Variants in ANKRD33B observed in about 807,000 individuals in gnomAD.
ANKRD33B encodes the protein ankyrin repeat domain-containing protein 33B.
A neutral mutation model predicts 21.5 loss-of-function variants in ANKRD33B; 6 were observed. The observed-to-expected ratio is 0.28, with a 90% CI of 0.15 to 0.55. ANKRD33B has a LOEUF of 0.55. Ranked by LOEUF, ANKRD33B falls within the 20% of genes least tolerant of loss-of-function variation. The pLI is 0.94. For synonymous variants in ANKRD33B, 347 were observed against 342.4 expected (o/e 1.01, Z -0.15); for missense variants, 698 against 747.2 (o/e 0.93, Z 0.77).
At chr5:10,646,347 G>T (rs1369086522) in intron 3 of ANKRD33B, among the ~76,000 whole-genome samples, 1 of 152,072 alleles carries the variant, frequency 6.6e-6, no homozygotes, top group Non-Finnish European at 1.5e-5. Flanking sequence ...GTTAATAATC[G>T]GTACTTATCT....
chr5:10,647,343 C>T (rs1042727189), intron 3 of ANKRD33B, among the ~76,000 whole-genome samples: 4 of 152,148 alleles, frequency 2.6e-5, no homozygotes, highest in Non-Finnish European at 5.9e-5. Context: ...CCCCTGACGT[C>T]AGGAGATCTG....
rs1466118204 is a variant in ANKRD33B, at chr5:10,651,026, G to A, written c.*913G>A. The A allele has an allele frequency of 6.6e-6, 1 of 152,200 alleles. No homozygotes were observed. Among genetic ancestry groups the A allele is most frequent in the Non-Finnish European group, 1.5e-5 (1 of 68,018 alleles). 9.4% of individuals were successfully genotyped at this position (152,200 alleles called of 1,614,324 possible). ...AGCCATATGTGCTCTTAAGTAATTC[G>A]AATCCAGATATCCTTAAAATGTCAA... On this transcript the variant is annotated 3_prime_UTR_variant, in exon 4 of 4. Coordinates refer to ENST00000296657, the MANE Select transcript of ANKRD33B (RefSeq NM_001164440.2).
In ANKRD33B at chr5:10,649,922, C is replaced by T. The variant is rs1404717770; in HGVS notation, c.1294C>T (p.Pro432Ser). Residue 432 changes from proline (P) to serine (S), a missense_variant, in exon 4 of 4, where the codon CCC becomes TCC. Pro to Ser is a moderately conservative substitution (Grantham distance 74, BLOSUM62 -1). This residue lies in a region of ANKRD33B where 543 missense variants were observed against 566.5 expected (regional missense o/e 0.96). Transcript: ENST00000296657. The part of the protein sequence containing the change: ...VVPRVRVSKA[P>S]APTFQPERPA... The stretch of plus-strand genomic sequence containing the variant: ...GCCCCGGGTCCGAGTCAGCAAGGCG[C>T]CCGCGCCCACCTTCCAGCCCGAGCG... The T allele has an allele frequency of 9.8e-6, 15 of 1,524,060 alleles. No homozygotes were observed. The Middle Eastern group carries it at 8.2e-4, about 84-fold the overall frequency. 94.4% of individuals were successfully genotyped at this position (1,524,060 alleles called of 1,614,324 possible). A position where few individuals can be genotyped will look rare whatever the true frequency, so the allele number is the denominator to read the frequency against.
chr5:10,580,570 A>G (rs1293680143), intron 1 of ANKRD33B, among the ~76,000 whole-genome samples: 1 of 152,018 alleles, frequency 6.6e-6, no homozygotes, highest in Non-Finnish European at 1.5e-5. Context: ...AGAAGGTTGC[A>G]GTTGGTTTCT....
At chr5:10,596,130 A>G (rs889933312) in intron 1 of ANKRD33B, among the ~76,000 whole-genome samples, 4 of 152,234 alleles carry the variant, frequency 2.6e-5, no homozygotes, top group African/African-American at 9.6e-5. Context: ...AGCACCCTTT[A>G]AAATTAATTA....
At chr5:10,608,623 T>G (rs1487722246) in intron 1 of ANKRD33B, among the ~76,000 whole-genome samples, 4 of 150,854 alleles carry the variant, frequency 2.7e-5, no homozygotes, top group Non-Finnish European at 1.5e-5. Flanking sequence ...AAATTAAACT[T>G]CTATAATAAA....
rs1421218425 is a variant in ANKRD33B at position 10,564,810 on chromosome 5, C to T, written c.343C>T (p.Gln115Ter). The T allele has an allele frequency of 6.6e-7, 1 of 1,514,994 alleles. No individual in the cohort carries two copies. 93.8% of individuals were successfully genotyped at this position (1,514,994 alleles called of 1,614,324 possible). Residue 115 changes from glutamine (Q) to a stop codon, truncating the protein, a stop_gained, in exon 1 of 4, where the codon CAG becomes TAG. Transcript: ENST00000296657. LOFTEE classifies it high-confidence loss of function. ...VRRGVSVEEA[Q>*]ETDRNGRTGL... ...GCGCGGGGTGAGCGTCGAGGAGGCG[C>T]AGGAGACTGACCGCAACGGCAGGGT...
rs1737410048 is a variant in ANKRD33B, at chr5:10,653,601, A to G, written c.*3488A>G. The G allele has an allele frequency of 6.6e-6, 1 of 152,460 alleles. No individual in the cohort carries two copies. The highest frequency in any genetic ancestry group is 2.4e-5 in the African/African-American group (1 of 41,440). The allele number at this position is 152,460 out of a possible 1,614,324, so 9.4% of individuals were successfully genotyped here. ...TGGTCATCTGGTCGTAGAGGTGGAC[A>G]GAAACACCCCCTCGTCTTCCTGAGC... On this transcript the variant is annotated 3_prime_UTR_variant, in exon 4 of 4. Transcript: ENST00000296657.
At chr5:10,614,535 T>C (rs1211709643) in intron 1 of ANKRD33B, among the ~76,000 whole-genome samples, 1 of 152,162 alleles carries the variant, frequency 6.6e-6, no homozygotes, top group Non-Finnish European at 1.5e-5. Context: ...CCTCCTAAAG[T>C]GCTGGAATTA....
intron 1 of ANKRD33B, among the ~76,000 whole-genome samples, chr5:10,590,312 C>A (rs1735653804): frequency 6.6e-6 from 1 of 152,168 alleles, no homozygotes; most frequent in Non-Finnish European, 1.5e-5. Flanking sequence ...GTTATCTTGT[C>A]CAGGGAGGAT....
chr5:10,595,847 A>AT (rs1402986406), intron 1 of ANKRD33B, among the ~76,000 whole-genome samples: 13 of 152,020 alleles, frequency 8.6e-5, no homozygotes, highest in Admixed American at 5.2e-4. Flanking sequence ...TCCATCATCC[A>AT]TTTTTTTGCC....
intron 3 of ANKRD33B, among the ~76,000 whole-genome samples, chr5:10,640,354 C>T (rs1216737823): frequency 1.3e-5 from 2 of 152,180 alleles, no homozygotes; most frequent in Non-Finnish European, 2.9e-5. Flanking sequence ...GGAGTAATGA[C>T]CTCTTTCTCC....
chr5:10,650,188 CG>C lies in ANKRD33B; in HGVS notation c.*77del, dbSNP rs1486198602. On this transcript the variant is annotated 3_prime_UTR_variant, in exon 4 of 4. Transcript: ENST00000296657. ...GCAGGGCTGGGCGCGGAGAAGGAGGCGGCCCCGTTGCGCATCGCACCACTTC... is the reference window on the plus strand; with the variant it reads ...GCAGGGCTGGGCGCGGAGAAGGAGGCGCCCCGTTGCGCATCGCACCACTTC... 3 of 1,372,818 alleles carry C rather than the reference CG, an allele frequency of 2.2e-6. No homozygotes were observed. Among genetic ancestry groups the C allele is most frequent in the South Asian group, 3.2e-5 (2 of 63,250 alleles). 85.0% of individuals were successfully genotyped at this position (1,372,818 alleles called of 1,614,324 possible).
rs1737351116 is a variant in ANKRD33B at position 10,651,281 on chromosome 5, T to G, written c.*1168T>G. The G allele has an allele frequency of 6.6e-6, 1 of 152,382 alleles. No individual in the cohort carries two copies. Among genetic ancestry groups the G allele is most frequent in the Non-Finnish European group, 1.5e-5 (1 of 68,058 alleles). The allele number at this position is 152,382 out of a possible 1,614,324, so 9.4% of individuals were successfully genotyped here. A position where few individuals can be genotyped will look rare whatever the true frequency, so the allele number is the denominator to read the frequency against. ...ACTGCGCTTGGTGTTTAGTTCATCC[T>G]TATGCCGACCTCTTAGAATTTCCAA... On this transcript the variant is annotated 3_prime_UTR_variant, in exon 4 of 4. Transcript: ENST00000296657.
chr5:10,638,213 C>T lies in ANKRD33B; in HGVS notation c.637+45C>T, dbSNP rs151074555. The T allele has an allele frequency of 1.3e-3, 1,949 of 1,523,224 alleles. 29 individuals carry two copies. In the African/African-American group the frequency reaches 0.023, roughly 18 times the overall value. The allele number at this position is 1,523,224 out of a possible 1,614,324, so 94.4% of individuals were successfully genotyped here. ...GCAGCTTCCAGGGGCCCTGGGACAC[C>T]AGAGTTGCTCCTTTATGGAATATGT... On this transcript the variant is annotated intron_variant, in intron 3 of 3. Coordinates refer to ENST00000296657, the MANE Select transcript of ANKRD33B (RefSeq NM_001164440.2).
chr5:10,564,831 A>G lies in ANKRD33B; in HGVS notation c.364A>G (p.Arg122Gly). ...GGCGCAGGAGACTGACCGCAACGGC[A>G]GGGTAAGCGGGCGTCCCCGCAGGAT... ...EEAQETDRNG[R>G]TGLIVACYHG... Residue 122 changes from arginine to glycine, a missense_variant and splice_region_variant, in exon 1 of 4, where the codon AGG (arginine) becomes GGG (glycine). Coordinates refer to ENST00000296657, the MANE Select transcript of ANKRD33B (RefSeq NM_001164440.2). 6.7e-7 allele frequency: 1 copy of G among 1,498,190 alleles called. No homozygotes were observed. The highest frequency in any genetic ancestry group is 1.3e-5 in the South Asian group (1 of 79,516). 92.8% of individuals were successfully genotyped at this position (1,498,190 alleles called of 1,614,324 possible). A position where few individuals can be genotyped will look rare whatever the true frequency, so the allele number is the denominator to read the frequency against.
Position 10,653,190 on chromosome 5 carries a change from TGCGGCGGGTC to T in ANKRD33B, c.*3078_*3087del, listed in dbSNP as rs1737399750. 2.0e-5 allele frequency: 3 copies of T among 152,812 alleles called. No individual in the cohort carries two copies. Among genetic ancestry groups the T allele is most frequent in the African/African-American group, 7.2e-5 (3 of 41,588 alleles). The allele number at this position is 152,812 out of a possible 1,614,324, so 9.5% of individuals were successfully genotyped here. On this transcript the variant is annotated 3_prime_UTR_variant, in exon 4 of 4. Coordinates refer to ENST00000296657, the MANE Select transcript of ANKRD33B (RefSeq NM_001164440.2). ...GTGGACAGCCCTTCCCTTTGGCCCA[TGCGGCGGGTC>T]CAGGCAGCTCCTGCAGCTGTGCTCA... is the stretch of plus-strand genomic sequence containing the variant.
chr5:10,655,833 C>A lies in ANKRD33B; in HGVS notation c.*5720C>A, dbSNP rs1308950654. On this transcript the variant is annotated 3_prime_UTR_variant, in exon 4 of 4. Coordinates refer to ENST00000296657, the MANE Select transcript of ANKRD33B (RefSeq NM_001164440.2). ...TTGGAAACACCTGGGGGCCCTGTTT[C>A]TTCCAGCCTGGTCCTTGGTTTCTAC... The A allele has an allele frequency of 6.6e-6, 1 of 152,502 alleles. No individual in the cohort carries two copies. Among genetic ancestry groups the A allele is most frequent in the South Asian group, 2.1e-4 (1 of 4,824 alleles). The allele number at this position is 152,502 out of a possible 1,614,324, so 9.4% of individuals were successfully genotyped here.
intron 1 of ANKRD33B, among the ~76,000 whole-genome samples, chr5:10,580,461 C>T (rs1198057459): frequency 6.6e-6 from 1 of 152,212 alleles, no homozygotes; most frequent in Non-Finnish European, 1.5e-5. Flanking sequence ...GATTATGTTG[C>T]CTGCTCGAGT....
Sources: allele counts gnomAD v4.1 joint callset (sites outside exome capture counted in the v4.1 genomes callset), GRCh38; gene constraint gnomAD v4.1.1; regional missense constraint gnomAD v4.1.1; transcripts MANE v1.5; gene names NCBI Gene and HGNC (gene_info 2026-07-23, HGNC 2026-07-21).